Variants in TENM3 observed in about 807,000 individuals in gnomAD.
TENM3 encodes the protein teneurin-3.
TENM3 carries 63 observed loss-of-function variants against 255.1 expected under a neutral mutation model. That is an observed-to-expected ratio of 0.25 (90% CI 0.20 to 0.30). TENM3 has a LOEUF of 0.30. TENM3 is among the 10% of genes least tolerant of loss of function. TENM3 has a pLI of 1.00. For missense variants in TENM3, 2,929 were observed against 3,461.1 expected (o/e 0.85, Z 3.86); for synonymous variants, 1,306 against 1,322.3 (o/e 0.99, Z 0.27).
chr4:182,308,794 G>C (rs1452589983), intron 1 of TENM3, among the ~76,000 whole-genome samples: 1 of 152,180 alleles, frequency 6.6e-6, no homozygotes, highest in Non-Finnish European at 1.5e-5. Flanking sequence ...TTTAAGGTGT[G>C]TAACTAAACT....
chr4:182,767,505 A>G (rs1249234152), intron 22 of TENM3, among the ~76,000 whole-genome samples: 1 of 152,134 alleles, frequency 6.6e-6, no homozygotes, highest in Non-Finnish European at 1.5e-5. Context: ...CCGTTAAACT[A>G]TGGAAGGAAA....
chr4:181,784,751 G>C, the TENM3 span, among the ~76,000 whole-genome samples: 2 of 152,136 alleles, frequency 1.3e-5, no homozygotes, highest in Admixed American at 1.3e-4. Flanking sequence ...TCATCCCAAT[G>C]TGATAATTCA....
chr4:181,900,788 C>T, the TENM3 span, among the ~76,000 whole-genome samples: 9 of 152,300 alleles, frequency 5.9e-5, no homozygotes, highest in African/African-American at 1.4e-4. Context: ...TCCTTTCCCC[C>T]GGAGCACAAG....
At chr4:182,682,765 A>G (rs900107039) in intron 11 of TENM3, among the ~76,000 whole-genome samples, 2 of 151,606 alleles carry the variant, frequency 1.3e-5, no homozygotes, top group Non-Finnish European at 3.0e-5. Context: ...TTTTTTTCAA[A>G]TGTTGGTTGC....
chr4:181,908,270 G>C, the TENM3 span, among the ~76,000 whole-genome samples: 3 of 152,254 alleles, frequency 2.0e-5, no homozygotes, highest in South Asian at 6.2e-4. Context: ...ATGTCTAGTA[G>C]TGACAGTTTC....
the TENM3 span, among the ~76,000 whole-genome samples, chr4:181,939,033 C>G: frequency 6.6e-6 from 1 of 151,898 alleles, no homozygotes; most frequent in Non-Finnish European, 1.5e-5. Flanking sequence ...AAAGACAACT[C>G]TATTTTCTAG....
intron 3 of TENM3, among the ~76,000 whole-genome samples, chr4:182,434,671 T>C (rs1771920664): frequency 6.6e-6 from 1 of 151,890 alleles, no homozygotes; most frequent in African/African-American, 2.4e-5. Flanking sequence ...TATATTGGTA[T>C]ACTTTATTTT....
the TENM3 span, among the ~76,000 whole-genome samples, chr4:181,843,960 C>T: frequency 6.6e-6 from 1 of 152,042 alleles, no homozygotes; most frequent in Non-Finnish European, 1.5e-5. Flanking sequence ...CCTCGTGATC[C>T]GCCCGCCTCG....
chr4:181,705,454 C>G, the TENM3 span, among the ~76,000 whole-genome samples: 2 of 152,204 alleles, frequency 1.3e-5, no homozygotes, highest in Non-Finnish European at 1.5e-5. Context: ...TAACTAACTT[C>G]CAGCTTGCTG....
At chr4:181,771,199 T>C in the TENM3 span, among the ~76,000 whole-genome samples, 1 of 152,160 alleles carries the variant, frequency 6.6e-6, no homozygotes, top group African/African-American at 2.4e-5. Context: ...GAAGAATTTC[T>C]ACAGAAATAG....
the TENM3 span, among the ~76,000 whole-genome samples, chr4:181,518,830 T>C: frequency 0.14 from 20,649 of 152,064 alleles, 1,599 homozygotes; most frequent in South Asian, 0.28. Context: ...ATGACAGAGT[T>C]CTGTGGATCC....
intron 3 of TENM3, among the ~76,000 whole-genome samples, chr4:182,386,476 T>C (rs1020521577): frequency 2.0e-5 from 3 of 152,234 alleles, no homozygotes; most frequent in African/African-American, 7.2e-5. Context: ...GAGGAGCCCT[T>C]CGGCCTGCCA....
chr4:181,889,579 G>A, the TENM3 span, among the ~76,000 whole-genome samples: 1 of 152,188 alleles, frequency 6.6e-6, no homozygotes, highest in Admixed American at 6.5e-5. Context: ...GGTAGTCGTG[G>A]TAGAGAAGAG....
intron 3 of TENM3, among the ~76,000 whole-genome samples, chr4:182,499,376 G>T (rs1049947406): frequency 3.3e-5 from 5 of 152,170 alleles, no homozygotes; most frequent in Non-Finnish European, 7.3e-5. Context: ...AGTCTCACAG[G>T]AGTTCTAGCA....
intron 3 of TENM3, among the ~76,000 whole-genome samples, chr4:182,347,640 T>C (rs1026391548): frequency 3.3e-5 from 5 of 152,224 alleles, no homozygotes; most frequent in South Asian, 2.1e-4. Flanking sequence ...GGGACTTTTT[T>C]TTTCCTATTG....
the TENM3 span, among the ~76,000 whole-genome samples, chr4:182,077,435 C>T: frequency 6.6e-6 from 1 of 151,982 alleles, no homozygotes; most frequent in Admixed American, 6.5e-5. Flanking sequence ...GGAAATGGCC[C>T]CTGCTTCAGC....
the TENM3 span, among the ~76,000 whole-genome samples, chr4:181,494,251 T>C: frequency 1.3e-5 from 2 of 152,222 alleles, no homozygotes; most frequent in African/African-American, 4.8e-5. Flanking sequence ...CCAACTAAAA[T>C]GTCAACAGCT....
chr4:182,239,945 A>G (rs1488482985), upstream of TENM3, among the ~76,000 whole-genome samples: 1 of 152,236 alleles, frequency 6.6e-6, no homozygotes, highest in African/African-American at 2.4e-5. Context: ...TAAACTTCTC[A>G]GAGAAATAGA....
At chr4:181,689,139 C>T in the TENM3 span, among the ~76,000 whole-genome samples, 1 of 152,218 alleles carries the variant, frequency 6.6e-6, no homozygotes. Flanking sequence ...GACGCCGCCC[C>T]ACATGCAGAA....
Sources: gnomAD v4.1 joint callset for allele counts (sites outside exome capture counted in the v4.1 genomes callset) on GRCh38, gnomAD v4.1.1 for gene constraint, MANE v1.5 for transcripts, NCBI Gene and HGNC (gene_info 2026-07-23, HGNC 2026-07-21) for gene names.